The following NEDD4L variants were observed in gnomAD, a reference collection of about 807,000 sequenced individuals.
The protein encoded by NEDD4L is E3 ubiquitin-protein ligase NEDD4-like.
NEDD4L carries 54 observed loss-of-function variants against 148.9 expected under a neutral mutation model. The ratio of observed to expected loss-of-function variants is 0.36; its 90% CI spans 0.29 to 0.45. The LOEUF (loss-of-function observed/expected upper bound fraction) is 0.45. Among genes scored for constraint, NEDD4L ranks in the 20% least tolerant of loss-of-function variants. NEDD4L has a pLI of 1.00. For missense variants in NEDD4L, 856 were observed against 1,233.8 expected (o/e 0.69, Z 4.59); for synonymous variants, 433 against 440.7 (o/e 0.98, Z 0.22).
chr18:58,151,622 G>GGGGGGTGT (rs1568290916), intron 1 of NEDD4L, among the ~76,000 whole-genome samples: 13 of 61,014 alleles, frequency 2.1e-4, no homozygotes, highest in African/African-American at 6.6e-4. Context: ...GCTGTGCCTG[G>GGGGGGTGT]ATATGTGTGT....
In NEDD4L at chr18:58,256,423, C is replaced by T. The variant is rs1350226326; in HGVS notation, c.297+4369C>T. 1.6e-6 allele frequency: 2 copies of T among 1,232,198 alleles called. No homozygotes were observed. The highest frequency in any genetic ancestry group is 2.0e-6 in the Non-Finnish European group (2 of 988,086). The allele number at this position is 1,232,198 out of a possible 1,614,324, so 76.3% of individuals were successfully genotyped here. A position where few individuals can be genotyped will look rare whatever the true frequency, so the allele number is the denominator to read the frequency against. On this transcript the variant is annotated intron_variant, in intron 5 of 30. Coordinates refer to ENST00000400345, the MANE Select transcript of NEDD4L (RefSeq NM_001144967.3). The surrounding 1 kb of genome is among the most constrained non-coding windows in gnomAD (Gnocchi z 5.2). Reference sequence around the variant, plus strand: ...CTTCGGGGCCAGGCAGCGACCTCAACTTTGGCTTCACGGGCACAAAGGGGG... The same window carrying T: ...CTTCGGGGCCAGGCAGCGACCTCAATTTTGGCTTCACGGGCACAAAGGGGG...
At chr18:58,066,387 GTTTTTTT>G (rs368243667) in intron 1 of NEDD4L, among the ~76,000 whole-genome samples, 89 of 112,124 alleles carry the variant, frequency 7.9e-4, no homozygotes, top group African/African-American at 1.7e-3. Flanking sequence ...CTCTGTATTA[GTTTTTTT>G]TTTTTTTTTT....
In NEDD4L at chr18:58,118,127, C is replaced by G. The variant is rs1568240092; in HGVS notation, c.49-47661C>G. 2.0e-5 allele frequency among the ~76,000 whole-genome samples: 3 copies of G among 152,360 alleles called. No individual in the cohort carries two copies. In the East Asian group the frequency reaches 5.8e-4, roughly 29 times the overall value. On this transcript the variant is annotated intron_variant, in intron 1 of 30. Coordinates refer to ENST00000400345, the MANE Select transcript of NEDD4L (RefSeq NM_001144967.3). ...AGCCTCAGAAGTTCGGCTGGCATTGCCAAGTTGTTAGAGTGAACCTTAACC... is the reference window on the plus strand; with the variant it reads ...AGCCTCAGAAGTTCGGCTGGCATTGGCAAGTTGTTAGAGTGAACCTTAACC...
intron 1 of NEDD4L, among the ~76,000 whole-genome samples, chr18:58,119,272 T>C (rs911678226): frequency 9.9e-5 from 15 of 152,116 alleles, no homozygotes; most frequent in African/African-American, 3.6e-4. Context: ...CAAAGTCCAG[T>C]TGCCTGCTCA....
Position 58,256,223 on chromosome 18 carries a change from C to T in NEDD4L, c.297+4169C>T. On this transcript the variant is annotated intron_variant, in intron 5 of 30. Transcript: ENST00000400345. This position sits in a 1 kb window ranked among gnomAD's most constrained non-coding sequence, Gnocchi z 5.2. ...TGCCCCGGGCCTGCGCATCCAGCAC[C>T]GCGCCTCCAGCGCCGACGTGCGCCA... is the stretch of plus-strand genomic sequence containing the variant. The T allele has an allele frequency of 8.2e-7, 1 of 1,225,212 alleles. No homozygotes were observed. Among genetic ancestry groups the T allele is most frequent in the Non-Finnish European group, 1.0e-6 (1 of 983,762 alleles). The allele number at this position is 1,225,212 out of a possible 1,614,324, so 75.9% of individuals were successfully genotyped here. A position where few individuals can be genotyped will look rare whatever the true frequency, so the allele number is the denominator to read the frequency against.
rs1049330522 is a variant in NEDD4L at position 58,075,805 on chromosome 18, C to T, written c.48+31097C>T. ...AATTAGCTGGTGGTGGTGGTGTGCA[C>T]TGGTAGTCCCAGCTACTCGGGAGTG... On this transcript the variant is annotated intron_variant, in intron 1 of 30. Coordinates refer to ENST00000400345, the MANE Select transcript of NEDD4L (RefSeq NM_001144967.3). 3.9e-5 allele frequency among the ~76,000 whole-genome samples: 6 copies of T among 151,980 alleles called. No homozygotes were observed. The East Asian group carries it at 1.2e-3, about 29-fold the overall frequency.
chr18:58,288,741 C>G (rs988585073), intron 5 of NEDD4L, among the ~76,000 whole-genome samples: 5 of 151,944 alleles, frequency 3.3e-5, no homozygotes, highest in Non-Finnish European at 5.9e-5. Flanking sequence ...GTGTTTTGAA[C>G]CTTGAATGTT....
intron 12 of NEDD4L, among the ~76,000 whole-genome samples, 199 bp from the exon 13 acceptor site, chr18:58,335,279 C>T (rs1025290620): frequency 2.0e-5 from 3 of 152,180 alleles, no homozygotes; most frequent in Non-Finnish European, 4.4e-5. Context: ...GGATGAGCCA[C>T]CTTGGGGGGC....
At chr18:58,356,327 A>G (rs1427984729) in intron 18 of NEDD4L, among the ~76,000 whole-genome samples, 1 of 149,468 alleles carries the variant, frequency 6.7e-6, no homozygotes, top group Non-Finnish European at 1.5e-5. Flanking sequence ...CTAGATATCC[A>G]AAAACTCTGG....
chr18:58,394,253 G>A (rs545262479), intron 30 of NEDD4L, among the ~76,000 whole-genome samples: 2 of 152,340 alleles, frequency 1.3e-5, no homozygotes, highest in East Asian at 1.9e-4. Context: ...TAAGAGGTGG[G>A]TGATGTTATG....
chr18:58,070,935 T>G (rs530967764), intron 1 of NEDD4L, among the ~76,000 whole-genome samples: 2 of 152,270 alleles, frequency 1.3e-5, no homozygotes, highest in South Asian at 4.1e-4. Context: ...AAGAATTTGA[T>G]TTTTAGAATT....
chr18:58,214,963 C>T (rs1199329309), intron 2 of NEDD4L, among the ~76,000 whole-genome samples: 1 of 151,852 alleles, frequency 6.6e-6, no homozygotes, highest in Non-Finnish European at 1.5e-5. Context: ...AGGCATGCAC[C>T]ACCATGCCTG....
At chr18:58,278,485 A>G (rs73961550) in intron 5 of NEDD4L, among the ~76,000 whole-genome samples, 2,390 of 152,330 alleles carry the variant, frequency 0.016, 52 homozygotes, top group African/African-American at 0.055. Flanking sequence ...ATAGCTCAAA[A>G]GTATGGATTT....
At chr18:58,335,408 T>G in intron 12 of NEDD4L, 70 bp from the exon 13 acceptor site, 1 of 1,262,572 alleles carries the variant, frequency 7.9e-7, no homozygotes, top group South Asian at 1.2e-5. Flanking sequence ...GCCACAGCAG[T>G]GGGCCCTGAT....
At position 58,268,450 on chromosome 18, in the gene NEDD4L, C is replaced by T. The variant is rs141047609; in HGVS notation, c.297+16396C>T. Among the ~76,000 whole-genome samples the T allele has an allele frequency of 3.8e-4, 58 of 152,164 alleles. 1 individual carries two copies. The highest frequency in any genetic ancestry group is 1.3e-3 in the African/African-American group (55 of 41,524). On this transcript the variant is annotated intron_variant, in intron 5 of 30. Coordinates refer to ENST00000400345, the MANE Select transcript of NEDD4L (RefSeq NM_001144967.3). ...TCCTCCCCAGGTGCAAATCTCCCCC[C>T]ACAGACCTGCCCTCTGAACAGCCAT...
intron 5 of NEDD4L, among the ~76,000 whole-genome samples, chr18:58,315,213 C>T (rs185849443): frequency 1.2e-4 from 19 of 152,292 alleles, no homozygotes; most frequent in Admixed American, 3.9e-4. Flanking sequence ...ATGCCACAAG[C>T]ACCGTAACTG....
intron 5 of NEDD4L, among the ~76,000 whole-genome samples, chr18:58,305,501 G>A (rs77394723): frequency 0.015 from 2,331 of 152,240 alleles, 26 homozygotes; most frequent in Non-Finnish European, 0.023. Flanking sequence ...TCAGTGCTGC[G>A]CATTCTGCTC....
chr18:58,246,156 A>AT (rs575042572), intron 3 of NEDD4L, among the ~76,000 whole-genome samples: 38 of 152,114 alleles, frequency 2.5e-4, no homozygotes, highest in Middle Eastern at 6.8e-3. Context: ...AAGTTGTAAC[A>AT]TTTTTTCTTG....
chr18:58,235,257 C>G (rs554609603), intron 2 of NEDD4L, among the ~76,000 whole-genome samples: 22 of 152,300 alleles, frequency 1.4e-4, no homozygotes, highest in African/African-American at 5.1e-4. Flanking sequence ...GAGGCCCACT[C>G]TCGGTGTGGC....
Sources: gnomAD v4.1 joint callset for allele counts (sites outside exome capture counted in the v4.1 genomes callset) on GRCh38, gnomAD v4.1.1 for gene constraint, Gnocchi (gnomAD v3.1) non-coding constraint, MANE v1.5 for transcripts, NCBI Gene and HGNC (gene_info 2026-07-23, HGNC 2026-07-21) for gene names.